The following VPS54 variants were observed in gnomAD, a reference collection of about 807,000 sequenced individuals.
The protein encoded by VPS54 is vacuolar protein sorting-associated protein 54.
VPS54 carries 45 observed loss-of-function variants against 121.5 expected under a neutral mutation model. That is an observed-to-expected ratio of 0.37 (90% CI 0.29 to 0.47). The LOEUF is 0.47. Among genes scored for constraint, VPS54 ranks in the 20% least tolerant of loss-of-function variants. The pLI is 0.99. For missense variants in VPS54, 1,090 were observed against 1,131.4 expected (o/e 0.96, Z 0.52); for synonymous variants, 371 against 385.8 (o/e 0.96, Z 0.45).
intron 2 of VPS54, among the ~76,000 whole-genome samples, chr2:63,983,626 TAG>T (rs1175886640): frequency 5.9e-5 from 9 of 151,608 alleles, no homozygotes; most frequent in Admixed American, 1.3e-4. Context: ...GTAGTTTTAG[TAG>T]AGACAGGGTT....
At chr2:63,974,397 G>C (rs576450442) in intron 3 of VPS54, among the ~76,000 whole-genome samples, 2 of 152,208 alleles carry the variant, frequency 1.3e-5, no homozygotes, top group East Asian at 3.9e-4. Context: ...CTCCAGCTTT[G>C]TTCCTCTTTT....
chr2:64,009,031 G>A (rs1678303204), intron 1 of VPS54, among the ~76,000 whole-genome samples: 1 of 152,096 alleles, frequency 6.6e-6, no homozygotes, highest in Admixed American at 6.5e-5. Flanking sequence ...CTGTGAAGAG[G>A]GAATCTGAAT....
chr2:63,912,096 A>T (rs1471005409), intron 20 of VPS54, among the ~76,000 whole-genome samples: 1 of 152,118 alleles, frequency 6.6e-6, no homozygotes, highest in African/African-American at 2.4e-5. Flanking sequence ...GAAATCCGAA[A>T]ATTTTGTTGA....
Position 64,005,407 on chromosome 2 carries a change from A to T in VPS54, c.-21+13531T>A, listed in dbSNP as rs182518741. 4.8e-3 allele frequency among the ~76,000 whole-genome samples: 724 copies of T among 152,196 alleles called. 6 individuals are homozygous for T. Among genetic ancestry groups the T allele is most frequent in the South Asian group, 0.023 (111 of 4,818 alleles). On this transcript the variant is annotated intron_variant, in intron 1 of 22. Coordinates refer to ENST00000272322, the MANE Select transcript of VPS54 (RefSeq NM_016516.3). ...CGTGAGCCACCGCGCCCAGCCTACT[A>T]TTGCTTCTTAATACGAATCTAGTAA...
chr2:63,960,929 C>T (rs906463604), intron 7 of VPS54, among the ~76,000 whole-genome samples: 2 of 152,258 alleles, frequency 1.3e-5, no homozygotes, highest in South Asian at 4.1e-4. Context: ...TCCAACAGTA[C>T]CTTTCAATGG....
intron 12 of VPS54, among the ~76,000 whole-genome samples, chr2:63,926,356 A>G (rs901363478): frequency 3.9e-5 from 6 of 152,230 alleles, no homozygotes; most frequent in Non-Finnish European, 8.8e-5. Flanking sequence ...ATGTGAAAAT[A>G]TCAGCCTGAA....
chr2:63,941,386 G>A (rs1198750923), intron 11 of VPS54, among the ~76,000 whole-genome samples: 1 of 151,628 alleles, frequency 6.6e-6, no homozygotes, highest in African/African-American at 2.4e-5. Flanking sequence ...CACTATGCTT[G>A]GCTAATTTAA....
At chr2:63,943,217 C>CT (rs1674818492) in intron 10 of VPS54, among the ~76,000 whole-genome samples, 1 of 152,180 alleles carries the variant, frequency 6.6e-6, no homozygotes, top group South Asian at 2.1e-4. Flanking sequence ...AAATCATTAA[C>CT]TTCAAGGTGA....
rs1334448791 is a variant in VPS54, at chr2:63,892,973, A to G, written c.*457T>C. On this transcript the variant is annotated 3_prime_UTR_variant, in exon 23 of 23. Coordinates refer to ENST00000272322, the MANE Select transcript of VPS54 (RefSeq NM_016516.3). ...AAATAATAATTTTTCAAACAGCTTT[A>G]CTTTCATAGAGAAAACTTTCTACAG... 2 of 153,868 alleles carry G rather than the reference A, an allele frequency of 1.3e-5. No individual in the cohort carries two copies. The highest frequency in any genetic ancestry group is 4.8e-5 in the African/African-American group (2 of 41,492). The allele number at this position is 153,868 out of a possible 1,614,324, so 9.5% of individuals were successfully genotyped here. A position where few individuals can be genotyped will look rare whatever the true frequency, so the allele number is the denominator to read the frequency against.
At chr2:63,985,680 T>TACACACACACAC (rs3079061) in intron 1 of VPS54, among the ~76,000 whole-genome samples, 24 of 145,040 alleles carry the variant, frequency 1.7e-4, no homozygotes, top group African/African-American at 5.4e-4. Context: ...TGACAAATTA[T>TACACACACACAC]ACACACACAC....
chr2:63,929,197 A>G (rs1165879471), intron 12 of VPS54, among the ~76,000 whole-genome samples: 1 of 152,210 alleles, frequency 6.6e-6, no homozygotes, highest in African/African-American at 2.4e-5. Context: ...TCCACCCCAA[A>G]TCAACAGAAT....
chr2:63,968,455 T>C (rs986946152), intron 5 of VPS54, among the ~76,000 whole-genome samples: 2 of 150,656 alleles, frequency 1.3e-5, no homozygotes, highest in African/African-American at 4.9e-5. Context: ...CTCACACCTG[T>C]AATCCCAGCA....
chr2:63,917,224 T>A (rs576090940), intron 15 of VPS54, among the ~76,000 whole-genome samples: 2 of 152,176 alleles, frequency 1.3e-5, no homozygotes, highest in Admixed American at 6.5e-5. Context: ...TCACTATCTG[T>A]ATCTATTAAA....
At chr2:63,968,517 G>A (rs1257826131) in intron 5 of VPS54, among the ~76,000 whole-genome samples, 1 of 151,594 alleles carries the variant, frequency 6.6e-6, no homozygotes, top group Non-Finnish European at 1.5e-5. Context: ...TTCAAGACCA[G>A]CCCGGCCAAC....
Position 63,962,174 on chromosome 2 carries a change from C to A in VPS54, c.894G>T (p.Gln298His), listed in dbSNP as rs1675801189. ...ATAACACCTGTACTGTAGGCTGAGT[C>A]TGGTGTACAGTGGCCATTAACTTCA... ...NKLKLMATVH[Q>H]TQPTVQVLLS... Residue 298 changes from glutamine (Q) to histidine (H), a missense_variant, in exon 7 of 23, where the codon CAG becomes CAT. Physicochemically the swap from Gln to His is conservative, Grantham distance 24. Coordinates refer to ENST00000272322, the MANE Select transcript of VPS54 (RefSeq NM_016516.3). The A allele has an allele frequency of 3.1e-6, 5 of 1,613,832 alleles. No homozygotes were observed. The highest frequency in any genetic ancestry group is 1.6e-4 in the Middle Eastern group (1 of 6,084).
intron 12 of VPS54, among the ~76,000 whole-genome samples, chr2:63,923,554 T>A (rs1036670544): frequency 6.6e-6 from 1 of 152,158 alleles, no homozygotes; most frequent in African/African-American, 2.4e-5. Flanking sequence ...AAACAAAATG[T>A]GATATATACA....
At chr2:63,901,116 ATGAT>A (rs1672663820) in intron 20 of VPS54, among the ~76,000 whole-genome samples, 1 of 152,238 alleles carries the variant, frequency 6.6e-6, no homozygotes, top group Non-Finnish European at 1.5e-5. Flanking sequence ...TTCTAATCGT[ATGAT>A]TAATTCATTA....
At chr2:63,983,545 G>C (rs2165210) in intron 2 of VPS54, among the ~76,000 whole-genome samples, 117,902 of 149,966 alleles carry the variant, frequency 0.79, 47,673 homozygotes, top group African/African-American at 0.92. Flanking sequence ...TGAGTTCACA[G>C]CATTCTCCTG....
intron 15 of VPS54, among the ~76,000 whole-genome samples, chr2:63,918,896 C>T (rs1673506402): frequency 6.6e-6 from 1 of 152,002 alleles, no homozygotes; most frequent in African/African-American, 2.4e-5. Flanking sequence ...ATTTGACTAT[C>T]ACTCCACTGA....
Sources: gnomAD v4.1 joint callset for allele counts (sites outside exome capture counted in the v4.1 genomes callset) on GRCh38, gnomAD v4.1.1 for gene constraint, MANE v1.5 for transcripts, NCBI Gene and HGNC (gene_info 2026-07-23, HGNC 2026-07-21) for gene names.